PTBP3: variants seen among roughly 807,000 people sequenced by gnomAD.
PTBP3 encodes the protein polypyrimidine tract-binding protein 3.
PTBP3 carries 20 observed loss-of-function variants against 58.7 expected under a neutral mutation model. The observed-to-expected ratio is 0.34, with a 90% CI of 0.24 to 0.50. The LOEUF is 0.50. Ranked by LOEUF, PTBP3 falls within the 20% of genes least tolerant of loss-of-function variation. The probability of loss-of-function intolerance (pLI) is 0.98; values close to 1 mark genes in which losing one functional copy is unlikely to be tolerated. For synonymous variants in PTBP3, 185 were observed against 219.8 expected, an observed-to-expected ratio of 0.84 and a Z score of 1.40; for missense variants, 509 against 637.2, an observed-to-expected ratio of 0.80 and a Z score of 2.17.
At chr9:112,311,673 GCA>G (rs562692307) in intron 1 of PTBP3, among the ~76,000 whole-genome samples, 28 of 152,330 alleles carry the variant, frequency 1.8e-4, no homozygotes, top group African/African-American at 6.0e-4. Context: ...TGCTAGCCAG[GCA>G]CAGTGTATCA....
chr9:112,321,690 A>C (rs1829958789), intron 1 of PTBP3, among the ~76,000 whole-genome samples: 1 of 152,188 alleles, frequency 6.6e-6, no homozygotes, highest in Admixed American at 6.5e-5. Context: ...TCTGGAGCAG[A>C]ATCTGCTGGA....
At chr9:112,309,769 C>G (rs1440395446) in intron 1 of PTBP3, among the ~76,000 whole-genome samples, 1 of 144,956 alleles carries the variant, frequency 6.9e-6, no homozygotes, top group Non-Finnish European at 1.5e-5. Flanking sequence ...GCCTGGGCGA[C>G]AGAGAGAGAC....
intron 1 of PTBP3, among the ~76,000 whole-genome samples, chr9:112,321,883 C>A (rs1055106583): frequency 1.3e-5 from 2 of 151,986 alleles, no homozygotes; most frequent in Non-Finnish European, 2.9e-5. Flanking sequence ...CCCTTGTAAT[C>A]CCAGCACTTT....
At chr9:112,371,646 A>ATTTTTTTTT in the PTBP3 span, among the ~76,000 whole-genome samples, 36 of 127,542 alleles carry the variant, frequency 2.8e-4, no homozygotes, top group African/African-American at 1.0e-3. Context: ...TTTTTAGTAG[A>ATTTTTTTTT]TTTTTTTTTT....
intron 4 of PTBP3, among the ~76,000 whole-genome samples, chr9:112,267,152 TA>T (rs1271816456): frequency 6.7e-6 from 1 of 149,582 alleles, no homozygotes; most frequent in Non-Finnish European, 1.5e-5. Flanking sequence ...ATCATAATTT[TA>T]AAAAAACCCA....
chr9:112,239,866 G>C, intron 7 of PTBP3, among the ~76,000 whole-genome samples: 1 of 118,034 alleles, frequency 8.5e-6, no homozygotes, highest in African/African-American at 3.1e-5. Context: ...AGGGAGGGAG[G>C]GAGGGAGGGA....
chr9:112,246,131 T>C (rs1835866743), intron 7 of PTBP3, among the ~76,000 whole-genome samples: 1 of 151,858 alleles, frequency 6.6e-6, no homozygotes, highest in Non-Finnish European at 1.5e-5. Context: ...TACAGTCACG[T>C]GCCACCACGC....
At chr9:112,295,713 T>A (rs1003798951) in intron 2 of PTBP3, among the ~76,000 whole-genome samples, 1 of 151,762 alleles carries the variant, frequency 6.6e-6, no homozygotes, top group Non-Finnish European at 1.5e-5. Context: ...TATGGAAAAG[T>A]GTGGAACTTT....
chr9:112,269,377 T>A (rs958719757), intron 3 of PTBP3, among the ~76,000 whole-genome samples: 3 of 152,016 alleles, frequency 2.0e-5, no homozygotes, highest in African/African-American at 7.3e-5. Flanking sequence ...TAAACAGAGA[T>A]GGGGCAAAAT....
the PTBP3 span, among the ~76,000 whole-genome samples, chr9:112,369,696 A>G: frequency 6.6e-6 from 1 of 151,986 alleles, no homozygotes; most frequent in Non-Finnish European, 1.5e-5. Context: ...ATGAGTTAAG[A>G]CTCTGGGGGA....
chr9:112,351,828 G>T, the PTBP3 span, among the ~76,000 whole-genome samples: 4 of 152,028 alleles, frequency 2.6e-5, no homozygotes, highest in Admixed American at 2.6e-4. Flanking sequence ...TCAATGTGGG[G>T]GTTTTTTGGT....
In PTBP3 at chr9:112,251,060, C is replaced by T. The variant is rs746210299; in HGVS notation, c.671G>A (p.Arg224His). ...GCTGGTGAGCTTGGAGAAGTCAATG[C>T]GCAGAGTGCAGCATGCATTATAGAT... ...QNIYNACCTL[R>H]IDFSKLTSLN... The change falls in exon 7 of 14, where the codon CGC (arginine) becomes CAC (histidine). Residue 224 changes from arginine to histidine, a missense_variant. Transcript: ENST00000374257. 1.6e-5 allele frequency: 26 copies of T among 1,611,264 alleles called. No individual in the cohort carries two copies. In the South Asian group the frequency reaches 1.8e-4, roughly 11 times the overall value.
At chr9:112,234,752 C>T in intron 8 of PTBP3, 68 bp downstream of exon 8, 1 of 1,406,074 alleles carries the variant, frequency 7.1e-7, no homozygotes, top group Non-Finnish European at 1.0e-6. Context: ...CATTCTTCAT[C>T]TTGGTAAGTT....
intron 2 of PTBP3, 122 bp from the exon 3 acceptor site, chr9:112,276,135 G>C (rs1306146145): frequency 5.1e-6 from 4 of 777,384 alleles, no homozygotes. Flanking sequence ...GGGAAACGTG[G>C]GGCTGATGGG....
Position 112,219,466 on chromosome 9 carries a change from C to G in PTBP3, c.*4385G>C, listed in dbSNP as rs557509912. The G allele has an allele frequency of 6.6e-6, 1 of 152,468 alleles. No homozygotes were observed. The highest frequency in any genetic ancestry group is 2.4e-5 in the African/African-American group (1 of 41,536). The allele number at this position is 152,468 out of a possible 1,614,324, so 9.4% of individuals were successfully genotyped here. Reference sequence around the variant, plus strand: ...CATCTTTCAATTATGACTATGATCACCAAGGTCACTGGACCAGACAAATAT... The same window carrying G: ...CATCTTTCAATTATGACTATGATCAGCAAGGTCACTGGACCAGACAAATAT... On this transcript the variant is annotated 3_prime_UTR_variant, in exon 14 of 14. Transcript: ENST00000374257.
chr9:112,223,880 T>C lies in PTBP3; in HGVS notation c.1546A>G (p.Arg516Gly). Residue 516 changes from arginine to glycine, a missense_variant, in exon 14 of 14, where the codon AGA becomes GGA. Arg to Gly is a moderately radical substitution (Grantham distance 125). Around this residue, in one of 4 missense-constraint regions of PTBP3, gnomAD observed 135 missense variants for 229.0 expected, o/e 0.59. Transcript: ENST00000374257. ...ATTGTAGATTTTGAGAAGGAAACTC[T>C]GAGGTGGTGATTTTCTCCAAGGTCA... Reference protein sequence around the residue: ...NHDLGENHHLRVSFSKSTI With the variant: ...NHDLGENHHLGVSFSKSTI 1 of 1,613,468 alleles carries C rather than the reference T, an allele frequency of 6.2e-7. No individual in the cohort carries two copies. Among genetic ancestry groups the C allele is most frequent in the South Asian group, 1.1e-5 (1 of 91,050 alleles).
rs1830478874 is a variant in PTBP3 at position 112,333,575 on chromosome 9, C to G, written c.-157G>C. ...CAGGGCGGTTCCGGGGACAAGCGAG[C>G]TTTGGCTCTGCGGAGCCCCGGCCGG... On this transcript the variant is annotated 5_prime_UTR_variant, in exon 1 of 14. Coordinates refer to ENST00000374257, the MANE Select transcript of PTBP3 (RefSeq NM_001163788.4). The G allele has an allele frequency of 6.9e-7, 1 of 1,448,774 alleles. No homozygotes were observed. The highest frequency in any genetic ancestry group is 9.5e-7 in the Non-Finnish European group (1 of 1,053,010). 89.7% of individuals were successfully genotyped at this position (1,448,774 alleles called of 1,614,324 possible).
Position 112,221,001 on chromosome 9 carries a change from TA to T in PTBP3, c.*2849del. ...GTTTTTCCACCATCCTGATATTTTTTAATCTTTTTTTTACAAAAACTATGCC... is the reference window on the plus strand; with the variant it reads ...GTTTTTCCACCATCCTGATATTTTTTATCTTTTTTTTACAAAAACTATGCC... On this transcript the variant is annotated 3_prime_UTR_variant, in exon 14 of 14. Coordinates refer to ENST00000374257, the MANE Select transcript of PTBP3 (RefSeq NM_001163788.4). The T allele has an allele frequency of 2.1e-6, 2 of 974,640 alleles. No homozygotes were observed. Among genetic ancestry groups the T allele is most frequent in the Non-Finnish European group, 2.4e-6 (2 of 820,154 alleles). The allele number at this position is 974,640 out of a possible 1,614,324, so 60.4% of individuals were successfully genotyped here. A position where few individuals can be genotyped will look rare whatever the true frequency, so the allele number is the denominator to read the frequency against.
At chr9:112,307,724 A>G (rs903497813) in intron 1 of PTBP3, among the ~76,000 whole-genome samples, 3 of 152,234 alleles carry the variant, frequency 2.0e-5, no homozygotes, top group Non-Finnish European at 4.4e-5. Context: ...TTCAAATTAC[A>G]GAAAACAAAG....
Sources: gnomAD v4.1 joint callset for allele counts (sites outside exome capture counted in the v4.1 genomes callset) on GRCh38, gnomAD v4.1.1 for gene constraint, gnomAD v4.1.1 regional missense constraint, MANE v1.5 for transcripts, NCBI Gene and HGNC (gene_info 2026-07-23, HGNC 2026-07-21) for gene names.